LIMCH1: variants seen among roughly 807,000 people sequenced by gnomAD.
The protein encoded by LIMCH1 is LIM and calponin homology domains 1.
In LIMCH1, 113 loss-of-function variants were observed where a neutral mutation model predicts 176.5. The observed-to-expected ratio is 0.64, with a 90% CI of 0.55 to 0.75. LIMCH1 has a LOEUF of 0.75. LIMCH1 is among the 30% of genes least tolerant of loss of function. LIMCH1 has a pLI of 0.00. For synonymous variants in LIMCH1, 619 were observed against 645.9 expected, an observed-to-expected ratio of 0.96 and a Z score of 0.63; for missense variants, 1,674 against 1,814.9, an observed-to-expected ratio of 0.92 and a Z score of 1.41.
chr4:41,581,012 AAG>A (rs2085313770), intron 1 of LIMCH1, among the ~76,000 whole-genome samples: 1 of 152,184 alleles, frequency 6.6e-6, no homozygotes, highest in South Asian at 2.1e-4. Flanking sequence ...TGGAAAGGTA[AAG>A]AGTTATCATT....
At chr4:41,378,087 A>T (rs1272948962) in intron 1 of LIMCH1, among the ~76,000 whole-genome samples, 1 of 152,224 alleles carries the variant, frequency 6.6e-6, no homozygotes, top group Non-Finnish European at 1.5e-5. Flanking sequence ...GAGAGGTGAC[A>T]GCAATGGCTA....
chr4:41,372,637 A>G (rs1328685893), intron 1 of LIMCH1, among the ~76,000 whole-genome samples: 1 of 152,188 alleles, frequency 6.6e-6, no homozygotes, highest in African/African-American at 2.4e-5. Context: ...CCTATCTGCT[A>G]TCAGAAGACC....
chr4:41,514,242 C>T lies in LIMCH1; in HGVS notation c.168-10167C>T, dbSNP rs148561595. Among the ~76,000 whole-genome samples the T allele has an allele frequency of 1.4e-3, 208 of 152,070 alleles. 4 individuals carry two copies. In the East Asian group the frequency reaches 0.037, roughly 27 times the overall value. On this transcript the variant is annotated intron_variant, in intron 2 of 26. Coordinates refer to the LIMCH1 transcript ENST00000313860. ...AGCTAGAGTTACAGAGAGGACTAAC[C>T]CTTTGCCTGATGAAGAAGCCAGATA...
rs537961269 is a variant in LIMCH1, at chr4:41,511,419, T to TAC, written c.168-12988_168-12987dup. Among the ~76,000 whole-genome samples, 19 of 152,340 alleles carry TAC rather than the reference T, an allele frequency of 1.2e-4. No homozygotes were observed. In the East Asian group the frequency reaches 1.9e-3, roughly 15 times the overall value. Reference sequence around the variant, plus strand: ...TGAGCACCCATCGCTGTGACAGCCATACATCCCGAAGTGGAGATGACAACC... The same window carrying TAC: ...TGAGCACCCATCGCTGTGACAGCCATACACATCCCGAAGTGGAGATGACAACC... On this transcript the variant is annotated intron_variant, in intron 2 of 26. Coordinates refer to the LIMCH1 transcript ENST00000313860.
intron 1 of LIMCH1, among the ~76,000 whole-genome samples, chr4:41,491,379 GACA>G (rs2070949677): frequency 8.7e-6 from 1 of 115,206 alleles, no homozygotes; most frequent in African/African-American, 3.5e-5. Context: ...CCACTTCCCC[GACA>G]GGGCAGCCGG....
At chr4:41,538,688 G>T (rs1314496564) in intron 1 of LIMCH1, among the ~76,000 whole-genome samples, 1 of 152,020 alleles carries the variant, frequency 6.6e-6, no homozygotes, top group Non-Finnish European at 1.5e-5. Flanking sequence ...GAAGCAACTT[G>T]GCTGCATTTT....
chr4:41,671,583 G>A lies in LIMCH1; in HGVS notation c.3427G>A (p.Val1143Ile). 1 of 1,600,652 alleles carries A rather than the reference G, an allele frequency of 6.2e-7. No homozygotes were observed. Among genetic ancestry groups the A allele is most frequent in the Non-Finnish European group, 8.6e-7 (1 of 1,168,224 alleles). The part of the protein sequence containing the change: ...VDSPSSEKSP[V>I]MTPFKFWAWD... ...TTCTCCAAGCAGTGAGAAGTCACCT[G>A]TTATGACACCTGTAAGTCACTCATT... Residue 1143 changes from valine (V) to isoleucine (I), a missense_variant, in exon 22 of 32, where the codon GTT becomes ATT. Physicochemically the swap from Val to Ile is conservative, Grantham distance 29. Around this residue, in one of 3 missense-constraint regions of LIMCH1, gnomAD observed 1,015 missense variants for 1,102.5 expected, o/e 0.92. Coordinates refer to ENST00000503057, the MANE Select transcript of LIMCH1 (RefSeq NM_001330672.2).
At chr4:41,381,347 G>T (rs2055633890) in intron 1 of LIMCH1, among the ~76,000 whole-genome samples, 1 of 152,212 alleles carries the variant, frequency 6.6e-6, no homozygotes, top group African/African-American at 2.4e-5. Context: ...TCAGCTCCAA[G>T]TATCGGTAAT....
chr4:41,636,856 A>G (rs1161474069), intron 13 of LIMCH1, among the ~76,000 whole-genome samples: 2 of 152,242 alleles, frequency 1.3e-5, no homozygotes, highest in African/African-American at 4.8e-5. Flanking sequence ...GAGTCTGTTT[A>G]CGTAGTACAA....
At chr4:41,420,861 A>G (rs2060547477) in intron 1 of LIMCH1, among the ~76,000 whole-genome samples, 1 of 152,216 alleles carries the variant, frequency 6.6e-6, no homozygotes, top group South Asian at 2.1e-4. Flanking sequence ...CGCTGGAGAA[A>G]GCACATTTTA....
At chr4:41,383,976 G>A (rs146847417) in intron 1 of LIMCH1, among the ~76,000 whole-genome samples, 1 of 152,286 alleles carries the variant, frequency 6.6e-6, no homozygotes, top group East Asian at 1.9e-4. Flanking sequence ...CAGCAGCTAA[G>A]GCAAGAGGAA....
At chr4:41,422,696 G>A (rs907443747) in intron 1 of LIMCH1, among the ~76,000 whole-genome samples, 2 of 152,222 alleles carry the variant, frequency 1.3e-5, no homozygotes, top group African/African-American at 2.4e-5. Flanking sequence ...AGCTTGTGTG[G>A]CCAGATTGTG....
At chr4:41,689,492 G>A (rs1320651374) in intron 29 of LIMCH1, 35 bp from the exon 30 acceptor site, 1 of 1,171,730 alleles carries the variant, frequency 8.5e-7, no homozygotes, top group Non-Finnish European at 1.3e-6. Flanking sequence ...ATTCTAAACT[G>A]AAGTTTTTAT....
At chr4:41,501,055 G>T (rs1274438533) in intron 2 of LIMCH1, among the ~76,000 whole-genome samples, 1 of 152,170 alleles carries the variant, frequency 6.6e-6, no homozygotes, top group Non-Finnish European at 1.5e-5. Flanking sequence ...ACATATTTCA[G>T]CATGGGGGCT....
chr4:41,570,315 C>A (rs940416546), intron 1 of LIMCH1, among the ~76,000 whole-genome samples: 1 of 152,196 alleles, frequency 6.6e-6, no homozygotes, highest in African/African-American at 2.4e-5. Context: ...CTTTGCTTTC[C>A]AAGGGGTTAA....
chr4:41,620,792 C>T (rs933055769), intron 7 of LIMCH1, 102 bp downstream of exon 7: 18 of 1,317,218 alleles, frequency 1.4e-5, no homozygotes, highest in Admixed American at 1.4e-4. Context: ...TTCCACTTCC[C>T]GCTTTTCCTA....
In LIMCH1 at chr4:41,444,304, G is replaced by A. The variant is rs982727807; in HGVS notation, c.97-50232G>A. On this transcript the variant is annotated intron_variant, in intron 1 of 26. Coordinates refer to the LIMCH1 transcript ENST00000313860. Reference sequence around the variant, plus strand: ...TATGTGTATGTGTGTGAGTGTGTGTGTATATATATACACACACACACACAC... The same window carrying A: ...TATGTGTATGTGTGTGAGTGTGTGTATATATATATACACACACACACACAC... Among the ~76,000 whole-genome samples the A allele has an allele frequency of 2.0e-4, 19 of 95,118 alleles. No homozygotes were observed. In the Admixed American group the frequency reaches 2.4e-3, roughly 12 times the overall value. The allele number at this position is 95,118 out of a possible 152,430, so 62.4% of individuals were successfully genotyped here. A position where few individuals can be genotyped will look rare whatever the true frequency, so the allele number is the denominator to read the frequency against.
chr4:41,523,261 T>C (rs140140344), intron 2 of LIMCH1, among the ~76,000 whole-genome samples: 2 of 152,340 alleles, frequency 1.3e-5, no homozygotes, highest in East Asian at 3.9e-4. Flanking sequence ...CAGCAAACTT[T>C]TTCCATAAAG....
At chr4:41,573,375 G>A (rs113980859) in intron 1 of LIMCH1, among the ~76,000 whole-genome samples, 1,677 of 152,272 alleles carry the variant, frequency 0.011, 15 homozygotes, top group Middle Eastern at 0.037. Flanking sequence ...ATAAAATCAT[G>A]CATAGCAGTC....
Sources: gnomAD v4.1 joint callset for allele counts (sites outside exome capture counted in the v4.1 genomes callset) on GRCh38, gnomAD v4.1.1 for gene constraint, gnomAD v4.1.1 regional missense constraint, MANE v1.5 for transcripts, NCBI Gene and HGNC (gene_info 2026-07-23, HGNC 2026-07-21) for gene names.